Variants in HS3ST3A1 observed in about 807,000 individuals in gnomAD.
HS3ST3A1 encodes heparan sulfate glucosamine 3-O-sulfotransferase 3A1.
In HS3ST3A1, 19 loss-of-function variants were observed where a neutral mutation model predicts 25.7. The observed-to-expected ratio is 0.74, with a 90% CI of 0.52 to 1.08. HS3ST3A1 has a LOEUF of 1.08. Ranked by LOEUF, HS3ST3A1 falls within the 50% of genes least tolerant of loss-of-function variation. The probability of loss-of-function intolerance (pLI) is 0.00; values close to 1 mark genes in which losing one functional copy is unlikely to be tolerated. For missense variants in HS3ST3A1, 459 were observed against 594.3 expected, an observed-to-expected ratio of 0.77 and a Z score of 2.37; for synonymous variants, 226 against 278.6, an observed-to-expected ratio of 0.81 and a Z score of 1.88.
chr17:13,586,725 C>T (rs562203945), intron 1 of HS3ST3A1, among the ~76,000 whole-genome samples: 1 of 150,384 alleles, frequency 6.6e-6, no homozygotes, highest in East Asian at 2.0e-4. Context: ...AAAAAATTAG[C>T]CAAGCGTGGT....
At chr17:13,518,552 A>G (rs956981310) in intron 1 of HS3ST3A1, among the ~76,000 whole-genome samples, 2 of 152,088 alleles carry the variant, frequency 1.3e-5, no homozygotes, top group Non-Finnish European at 2.9e-5. Flanking sequence ...TGGACTTTCT[A>G]GTTTTTTCAT....
At chr17:13,518,364 A>G (rs1307653142) in intron 1 of HS3ST3A1, among the ~76,000 whole-genome samples, 1 of 152,248 alleles carries the variant, frequency 6.6e-6, no homozygotes, top group African/African-American at 2.4e-5. Context: ...AATGGCTTAG[A>G]AAGAGCCCCA....
intron 1 of HS3ST3A1, among the ~76,000 whole-genome samples, chr17:13,524,436 T>G (rs531619917): frequency 1.3e-5 from 2 of 152,254 alleles, no homozygotes; most frequent in Admixed American, 1.3e-4. Context: ...TTTTGTTTTT[T>G]TTGTAGATAT....
At chr17:13,562,498 C>T (rs1035947453) in intron 1 of HS3ST3A1, among the ~76,000 whole-genome samples, 2 of 152,102 alleles carry the variant, frequency 1.3e-5, no homozygotes, top group Non-Finnish European at 2.9e-5. Flanking sequence ...TCCATTACAT[C>T]CTGGGATTGA....
chr17:13,560,085 T>C (rs931184974), intron 1 of HS3ST3A1, among the ~76,000 whole-genome samples: 9 of 148,154 alleles, frequency 6.1e-5, no homozygotes, highest in African/African-American at 2.0e-4. Flanking sequence ...AGGTCAGGAG[T>C]TCAAGACCAG....
chr17:13,542,056 A>T (rs1204176582), intron 1 of HS3ST3A1, among the ~76,000 whole-genome samples: 1 of 152,144 alleles, frequency 6.6e-6, no homozygotes, highest in Non-Finnish European at 1.5e-5. Context: ...GGTCGGGCAC[A>T]GTGGTTCATG....
rs1180081669 is a variant in HS3ST3A1, at chr17:13,494,384, ATATC to A, written c.*1809_*1812del. On this transcript the variant is annotated 3_prime_UTR_variant, in exon 2 of 2. Coordinates refer to ENST00000284110, the MANE Select transcript of HS3ST3A1 (RefSeq NM_006042.3). ...TCCAAAGATTTGGAGCAATGACAAAATATCTAACACTTAAAATATTTTTTCCTTC... is the reference window on the plus strand; with the variant it reads ...TCCAAAGATTTGGAGCAATGACAAAATAACACTTAAAATATTTTTTCCTTC... 6.6e-6 allele frequency among the ~76,000 whole-genome samples: 1 copy of A among 152,232 alleles called. No individual in the cohort carries two copies. Among genetic ancestry groups the A allele is most frequent in the African/African-American group, 2.4e-5 (1 of 41,464 alleles).
At chr17:13,596,162 C>T (rs370495787) in intron 1 of HS3ST3A1, among the ~76,000 whole-genome samples, 3 of 151,978 alleles carry the variant, frequency 2.0e-5, no homozygotes, top group Admixed American at 6.6e-5. Flanking sequence ...AGTATAAGAG[C>T]GTATTATAAA....
rs545051407 is a variant in HS3ST3A1, at chr17:13,548,614, G to A, written c.600-51796C>T. On this transcript the variant is annotated intron_variant, in intron 1 of 1. Coordinates refer to ENST00000284110, the MANE Select transcript of HS3ST3A1 (RefSeq NM_006042.3). ...CAGTCTCCACTCCACATGTTGAGAG[G>A]TGAAGCTGACTGGGCTTCTGGGTCG... Among the ~76,000 whole-genome samples the A allele has an allele frequency of 1.5e-4, 23 of 152,262 alleles. No homozygotes were observed. The East Asian group carries it at 4.4e-3, about 29-fold the overall frequency.
At position 13,565,030 on chromosome 17, in the gene HS3ST3A1, G is replaced by A. The variant is rs540143346; in HGVS notation, c.599+35501C>T. 4.6e-5 allele frequency among the ~76,000 whole-genome samples: 7 copies of A among 152,086 alleles called. No homozygotes were observed. In the South Asian group the frequency reaches 6.2e-4, roughly 14 times the overall value. On this transcript the variant is annotated intron_variant, in intron 1 of 1. Transcript: ENST00000284110. Reference sequence around the variant, plus strand: ...AGCCATCGTGCCTGGATGAAATTTGGACTTGTTTTCTATCATCTTATTTGA... The same window carrying A: ...AGCCATCGTGCCTGGATGAAATTTGAACTTGTTTTCTATCATCTTATTTGA...
At chr17:13,561,482 G>A (rs1323174983) in intron 1 of HS3ST3A1, among the ~76,000 whole-genome samples, 3 of 151,856 alleles carry the variant, frequency 2.0e-5, no homozygotes, top group Non-Finnish European at 2.9e-5. Flanking sequence ...CTCCTCCTGG[G>A]TTTAAGCGAT....
At chr17:13,533,680 C>T (rs1013023975) in intron 1 of HS3ST3A1, among the ~76,000 whole-genome samples, 2 of 151,900 alleles carry the variant, frequency 1.3e-5, no homozygotes, top group Non-Finnish European at 2.9e-5. Context: ...TAGATAGGGT[C>T]TATAATTTGA....
chr17:13,579,210 G>A (rs1202968753), intron 1 of HS3ST3A1, among the ~76,000 whole-genome samples: 1 of 152,010 alleles, frequency 6.6e-6, no homozygotes, highest in Admixed American at 6.5e-5. Flanking sequence ...CAACCATTTT[G>A]GACGTCGATT....
intron 1 of HS3ST3A1, among the ~76,000 whole-genome samples, chr17:13,578,633 C>T (rs11078166): frequency 0.39 from 58,696 of 151,270 alleles, 13,451 homozygotes; most frequent in Admixed American, 0.54. Context: ...TAATCTGAAG[C>T]CTGGGCCCAG....
rs925343784 is a variant in HS3ST3A1 at position 13,495,193 on chromosome 17, C to G, written c.*1004G>C. Among the ~76,000 whole-genome samples, 3 of 151,676 alleles carry G rather than the reference C, an allele frequency of 2.0e-5. No homozygotes were observed. The highest frequency in any genetic ancestry group is 7.3e-5 in the African/African-American group (3 of 41,232). On this transcript the variant is annotated 3_prime_UTR_variant, in exon 2 of 2. Transcript: ENST00000284110. ...ATCAACAAATGGGTAAGTTACGTTC[C>G]TAACACATCTTGTGCTACCCCTAGT... is the stretch of plus-strand genomic sequence containing the variant.
chr17:13,535,548 A>C (rs1029100049), intron 1 of HS3ST3A1, among the ~76,000 whole-genome samples: 5 of 152,314 alleles, frequency 3.3e-5, no homozygotes, highest in Non-Finnish European at 7.3e-5. Flanking sequence ...ATGACTGTGA[A>C]AGTGCTACAA....
Position 13,600,622 on chromosome 17 carries a change from C to G in HS3ST3A1, c.508G>C (p.Glu170Gln), listed in dbSNP as rs761560994. The G allele has an allele frequency of 6.3e-7, 1 of 1,597,294 alleles. No individual in the cohort carries two copies. The highest frequency in any genetic ancestry group is 8.5e-7 in the Non-Finnish European group (1 of 1,176,958). Reference protein sequence around the residue: ...VKKGGTRALLEFLRVHPDVRA... With the variant: ...VKKGGTRALLQFLRVHPDVRA... ...ACGTCGGGGTGCACGCGCAGGAACT[C>G]CAGCAGCGCCCGCGTGCCGCCCTTC... is the stretch of plus-strand genomic sequence containing the variant. Residue 170 changes from glutamate (E) to glutamine (Q), a missense_variant, in exon 1 of 2, where the codon GAG becomes CAG. Glu to Gln is a conservative substitution (Grantham distance 29). Transcript: ENST00000284110.
chr17:13,556,518 T>G (rs891794368), intron 1 of HS3ST3A1, among the ~76,000 whole-genome samples: 4 of 139,790 alleles, frequency 2.9e-5, no homozygotes, highest in Non-Finnish European at 6.3e-5. Flanking sequence ...AAAAAAGAAA[T>G]AAAATAAAAG....
intron 1 of HS3ST3A1, among the ~76,000 whole-genome samples, chr17:13,517,661 T>G (rs1342607825): frequency 6.6e-6 from 1 of 152,162 alleles, no homozygotes; most frequent in East Asian, 1.9e-4. Flanking sequence ...ATTATTATTA[T>G]TATTTTTTGA....
Sources: gnomAD v4.1 joint callset for allele counts (sites outside exome capture counted in the v4.1 genomes callset) on GRCh38, gnomAD v4.1.1 for gene constraint, MANE v1.5 for transcripts, NCBI Gene and HGNC (gene_info 2026-07-23, HGNC 2026-07-21) for gene names.